The following PRKG1 variants were observed in gnomAD, a reference collection of about 807,000 sequenced individuals.
PRKG1 encodes the protein cGMP-dependent protein kinase 1.
Under a neutral mutation model 88.1 loss-of-function variants are expected in PRKG1, and 35 were observed. That is an observed-to-expected ratio of 0.40 (90% CI 0.30 to 0.53). PRKG1 has a LOEUF of 0.53. Ranked by LOEUF, PRKG1 falls within the 20% of genes least tolerant of loss-of-function variation. The pLI, the probability that PRKG1 is intolerant of heterozygous loss-of-function variation, is 0.59. For missense variants in PRKG1, 540 were observed against 839.8 expected, an observed-to-expected ratio of 0.64 and a Z score of 4.41; for synonymous variants, 303 against 292.5, an observed-to-expected ratio of 1.04 and a Z score of -0.37.
At chr10:51,121,738 T>C (rs1408476087) in intron 1 of PRKG1, among the ~76,000 whole-genome samples, 1 of 152,134 alleles carries the variant, frequency 6.6e-6, no homozygotes. Flanking sequence ...AATATGCATA[T>C]CTATTTGAAA....
At chr10:51,929,442 C>T (rs563109760) in intron 5 of PRKG1, among the ~76,000 whole-genome samples, 55 of 151,510 alleles carry the variant, frequency 3.6e-4, no homozygotes, top group African/African-American at 1.3e-3. Flanking sequence ...CCTCCACCTC[C>T]CGGATTCAAG....
At chr10:51,795,203 CAG>C (rs1472032322) in intron 3 of PRKG1, among the ~76,000 whole-genome samples, 1 of 152,068 alleles carries the variant, frequency 6.6e-6, no homozygotes, top group East Asian at 1.9e-4. Context: ...TGACGTCAAA[CAG>C]AAGTTAGAGA....
chr10:51,001,266 G>A (rs1842886069), intron 1 of PRKG1, among the ~76,000 whole-genome samples: 1 of 152,194 alleles, frequency 6.6e-6, no homozygotes, highest in Non-Finnish European at 1.5e-5. Context: ...CCACAGCGAG[G>A]CCTCTCATTT....
At chr10:52,045,966 C>T (rs2133238499) in intron 5 of PRKG1, among the ~76,000 whole-genome samples, 1 of 152,190 alleles carries the variant, frequency 6.6e-6, no homozygotes, top group Non-Finnish European at 1.5e-5. Context: ...TTTAAGCAGT[C>T]AAAATGCATG....
intron 9 of PRKG1, among the ~76,000 whole-genome samples, chr10:52,201,189 T>C (rs1334653196): frequency 1.3e-5 from 2 of 152,136 alleles, no homozygotes; most frequent in African/African-American, 4.8e-5. Context: ...ACTTCCATGC[T>C]TTGCATTTAA....
chr10:51,075,283 C>A (rs1338763501), intron 1 of PRKG1, among the ~76,000 whole-genome samples: 1 of 152,186 alleles, frequency 6.6e-6, no homozygotes, highest in East Asian at 1.9e-4. Context: ...GCTGGAAAAT[C>A]CTAAATGCAG....
intron 2 of PRKG1, among the ~76,000 whole-genome samples, chr10:51,245,296 C>T (rs971430739): frequency 8.6e-5 from 13 of 151,954 alleles, no homozygotes; most frequent in Admixed American, 2.6e-4. Context: ...ACATCTGGGT[C>T]CCTGTTATCT....
At chr10:51,923,209 C>A (rs970058505) in intron 5 of PRKG1, among the ~76,000 whole-genome samples, 1 of 151,682 alleles carries the variant, frequency 6.6e-6, no homozygotes, top group Non-Finnish European at 1.5e-5. Context: ...ATTAATATAG[C>A]GATTTCTCCT....
At chr10:51,937,347 ACTCT>A (rs145988887) in intron 5 of PRKG1, among the ~76,000 whole-genome samples, 2,296 of 151,902 alleles carry the variant, frequency 0.015, 67 homozygotes, top group African/African-American at 0.053. Flanking sequence ...TATGAATCTG[ACTCT>A]CTCTCCTGCA....
At chr10:52,194,339 G>A (rs191666388) in intron 9 of PRKG1, among the ~76,000 whole-genome samples, 76 of 152,190 alleles carry the variant, frequency 5.0e-4, no homozygotes, top group Middle Eastern at 3.4e-3. Context: ...GACCTAAATG[G>A]AGGTGTTTTA....
rs548232937 is a variant in PRKG1, at chr10:51,513,021, C to T, written c.592+45185C>T. On this transcript the variant is annotated intron_variant, in intron 3 of 17. Transcript: ENST00000373980. ...TTGAGAAGTGTCTGTTCATGTCCTT[C>T]GCCCACTTTTTGATGGGGTTGTTTG... Among the ~76,000 whole-genome samples the T allele has an allele frequency of 2.7e-3, 396 of 149,350 alleles. 2 individuals carry two copies. The highest frequency in any genetic ancestry group is 8.3e-3 in the African/African-American group (336 of 40,412).
At chr10:51,501,563 C>T (rs1455061670) in intron 3 of PRKG1, among the ~76,000 whole-genome samples, 1 of 152,072 alleles carries the variant, frequency 6.6e-6, no homozygotes, top group Non-Finnish European at 1.5e-5. Context: ...TGAATCTCTC[C>T]TTTGTTTATT....
chr10:51,261,979 C>T lies in PRKG1; in HGVS notation c.478+108649C>T, dbSNP rs907800052. 1.6e-4 allele frequency among the ~76,000 whole-genome samples: 24 copies of T among 150,268 alleles called. 1 individual carries two copies. Among genetic ancestry groups the T allele is most frequent in the Non-Finnish European group, 1.0e-4 (7 of 67,700 alleles). On this transcript the variant is annotated intron_variant, in intron 2 of 17. Transcript: ENST00000373980. ...TCGGCTCACTGCAAGCTCTGCCTCC[C>T]GGGTTCACGCCACTCTCCTGCCTCA...
At chr10:51,382,361 G>A (rs1442906877) in intron 2 of PRKG1, among the ~76,000 whole-genome samples, 1 of 152,178 alleles carries the variant, frequency 6.6e-6, no homozygotes, top group Non-Finnish European at 1.5e-5. Flanking sequence ...GTTGAAGGCA[G>A]AGATCCAATG....
intron 4 of PRKG1, among the ~76,000 whole-genome samples, chr10:51,809,969 C>T (rs1298940441): frequency 6.6e-6 from 1 of 152,246 alleles, no homozygotes; most frequent in Middle Eastern, 3.4e-3. Context: ...TGCTCCACAG[C>T]CCCTCTTAAT....
At chr10:52,120,153 T>A (rs1012183218) in intron 7 of PRKG1, among the ~76,000 whole-genome samples, 2 of 152,086 alleles carry the variant, frequency 1.3e-5, no homozygotes, top group African/African-American at 4.8e-5. Context: ...ACTCACTCCC[T>A]CAGTAAGGAC....
At chr10:51,315,230 C>T (rs569411451) in intron 2 of PRKG1, among the ~76,000 whole-genome samples, 57 of 152,240 alleles carry the variant, frequency 3.7e-4, no homozygotes, top group African/African-American at 1.3e-3. Flanking sequence ...CATCACTGAT[C>T]TTCCAGCAAG....
intron 2 of PRKG1, among the ~76,000 whole-genome samples, chr10:51,281,417 A>G (rs1018664512): frequency 6.6e-6 from 1 of 152,186 alleles, no homozygotes; most frequent in African/African-American, 2.4e-5. Flanking sequence ...AGGAGATTAT[A>G]TCCTGCACCT....
intron 3 of PRKG1, among the ~76,000 whole-genome samples, chr10:51,735,196 T>G (rs1837232809): frequency 6.6e-6 from 1 of 152,192 alleles, no homozygotes; most frequent in Non-Finnish European, 1.5e-5. Context: ...ATGTATTGTT[T>G]GCTACATGTG....
Sources: allele counts gnomAD v4.1 joint callset (sites outside exome capture counted in the v4.1 genomes callset), GRCh38; gene constraint gnomAD v4.1.1; transcripts MANE v1.5; gene names NCBI Gene and HGNC (gene_info 2026-07-23, HGNC 2026-07-21).